Variants in MS4A10 observed in about 807,000 individuals in gnomAD.
MS4A10 encodes the protein membrane spanning 4-domains A10, also known as membrane-spanning 4-domains subfamily A member 10.
MS4A10 carries 27 observed loss-of-function variants against 27.7 expected under a neutral mutation model. That is an observed-to-expected ratio of 0.98 (90% CI 0.72 to 1.35). MS4A10 has a LOEUF of 1.35. Ranked by LOEUF, MS4A10 falls within the 40% of genes most tolerant of loss-of-function variation. The pLI is 0.00. For synonymous variants in MS4A10, 139 were observed against 131.2 expected (o/e 1.06, Z -0.41); for missense variants, 338 against 324.7 (o/e 1.04, Z -0.32).
chr11:60,798,606 C>A (rs1260251548), intron 7 of MS4A10, 92 bp downstream of exon 7: 3 of 969,554 alleles, frequency 3.1e-6, no homozygotes, highest in African/African-American at 1.6e-5. Context: ...CCCAGGGGAG[C>A]TGTAAGGGGC....
In MS4A10 at chr11:60,791,088, G is replaced by A. The variant is rs1854423149; in HGVS notation, c.298G>A (p.Ala100Thr). Residue 100 changes from alanine (A) to threonine (T), a missense_variant, in exon 3 of 8, where the codon GCC becomes ACC. Ala to Thr is a moderately conservative substitution (Grantham distance 58). Coordinates refer to ENST00000308287, the MANE Select transcript of MS4A10 (RefSeq NM_206893.4). ...LKSWYPFWGA[A>T]SFLISGILAI... ...GTCTTGGTATCCATTCTGGGGGGCT[G>A]CCTCTGTGAGTAGAAGGCAAAACAC... 1 of 1,613,990 alleles carries A rather than the reference G, an allele frequency of 6.2e-7. No individual in the cohort carries two copies. The highest frequency in any genetic ancestry group is 1.3e-5 in the African/African-American group (1 of 75,046).
At chr11:60,791,159 A>G (rs907365956) in intron 3 of MS4A10, 66 bp downstream of exon 3, 122 of 1,595,590 alleles carry the variant, frequency 7.6e-5, no homozygotes, top group Admixed American at 2.2e-4. Context: ...AGGCCCTGGC[A>G]TTTGGGACAG....
chr11:60,792,164 G>A (rs1044902529), intron 3 of MS4A10, 101 bp from the exon 4 acceptor site: 27 of 931,514 alleles, frequency 2.9e-5, no homozygotes, highest in South Asian at 4.0e-5. Flanking sequence ...CCCACTGGCC[G>A]CCAAGGGTTG....
Position 60,795,536 on chromosome 11 carries a change from CT to C in MS4A10, c.493-17del. On this transcript the variant is annotated intron_variant, in intron 5 of 7. Transcript: ENST00000308287. Reference sequence around the variant, plus strand: ...CCCAGCGAGGCCTCACCCTGCCTTCCTTCCCTCTACCCTCTCAGGTCCACAT... The same window carrying C: ...CCCAGCGAGGCCTCACCCTGCCTTCCTCCCTCTACCCTCTCAGGTCCACAT... The C allele has an allele frequency of 6.7e-7, 1 of 1,497,532 alleles. No homozygotes were observed. The highest frequency in any genetic ancestry group is 8.9e-7 in the Non-Finnish European group (1 of 1,119,872). The allele number at this position is 1,497,532 out of a possible 1,614,324, so 92.8% of individuals were successfully genotyped here.
intron 6 of MS4A10, among the ~76,000 whole-genome samples, 161 bp from the exon 7 acceptor site, chr11:60,798,235 C>T (rs1333410985): frequency 6.6e-6 from 1 of 152,200 alleles, no homozygotes; most frequent in Non-Finnish European, 1.5e-5. Flanking sequence ...TGGAGGGAGT[C>T]ACACACTGGT....
In MS4A10 at chr11:60,791,988, C is replaced by T. The variant is rs75264724; in HGVS notation, c.304-277C>T. Reference sequence around the variant, plus strand: ...TGTAAAATGAGGGAAGCAGGAGGGTCTAGGAGGGAGTTCTAAGTGCAGGGC... The same window carrying T: ...TGTAAAATGAGGGAAGCAGGAGGGTTTAGGAGGGAGTTCTAAGTGCAGGGC... On this transcript the variant is annotated intron_variant, in intron 3 of 7. Transcript: ENST00000308287. Among the ~76,000 whole-genome samples the T allele has an allele frequency of 5.6e-4, 85 of 152,274 alleles. 1 individual carries two copies. The East Asian group carries it at 0.013, about 24-fold the overall frequency.
chr11:60,788,746 T>C (rs1003347240), intron 1 of MS4A10, among the ~76,000 whole-genome samples: 1 of 152,292 alleles, frequency 6.6e-6, no homozygotes, highest in African/African-American at 2.4e-5. Flanking sequence ...TCAGCGGTCG[T>C]CACTGCAGGA....
At chr11:60,789,436 T>C (rs1854390522) in intron 1 of MS4A10, among the ~76,000 whole-genome samples, 2 of 152,236 alleles carry the variant, frequency 1.3e-5, no homozygotes, top group South Asian at 2.1e-4. Context: ...GTATACACTA[T>C]ACCAGGCCCT....
chr11:60,793,897 G>A (rs986138631), intron 4 of MS4A10, 75 bp from the exon 5 acceptor site: 7 of 1,545,044 alleles, frequency 4.5e-6, no homozygotes, highest in African/African-American at 1.4e-5. Flanking sequence ...GGAAGCTACT[G>A]GCAAGCATGA....
At chr11:60,790,743 C>T (rs1183649612) in intron 2 of MS4A10, among the ~76,000 whole-genome samples, 4 of 152,206 alleles carry the variant, frequency 2.6e-5, no homozygotes, top group Non-Finnish European at 4.4e-5. Context: ...GGGAGAATGG[C>T]AGAAGGCTGC....
intron 1 of MS4A10, among the ~76,000 whole-genome samples, chr11:60,786,204 C>A (rs1376455831): frequency 6.6e-6 from 1 of 151,918 alleles, no homozygotes; most frequent in Non-Finnish European, 1.5e-5. Flanking sequence ...CACACACACA[C>A]ACACACACCC....
intron 3 of MS4A10, 88 bp downstream of exon 3, chr11:60,791,181 G>C: frequency 6.4e-7 from 1 of 1,554,326 alleles, no homozygotes; most frequent in Non-Finnish European, 8.7e-7. Flanking sequence ...ATGCAGGGTG[G>C]GATAGAGAGA....
chr11:60,785,422 G>T lies in MS4A10; in HGVS notation c.-23+1G>T, dbSNP rs1590993788. 1 of 152,382 alleles carries T rather than the reference G, an allele frequency of 6.6e-6. No individual in the cohort carries two copies. Among genetic ancestry groups the T allele is most frequent in the Admixed American group, 6.5e-5 (1 of 15,288 alleles). 9.4% of individuals were successfully genotyped at this position (152,382 alleles called of 1,614,324 possible). A position where few individuals can be genotyped will look rare whatever the true frequency, so the allele number is the denominator to read the frequency against. Reference sequence around the variant, plus strand: ...CAGAGCTGCAGTCCCAGGTCCTGGGGTGAGTGGTCCCCCCATGGCAGGAAC... The same window carrying T: ...CAGAGCTGCAGTCCCAGGTCCTGGGTTGAGTGGTCCCCCCATGGCAGGAAC... On this transcript the variant is annotated splice_donor_variant, in intron 1 of 7. Coordinates refer to ENST00000308287, the MANE Select transcript of MS4A10 (RefSeq NM_206893.4). LOFTEE classifies it low-confidence loss of function (5UTR_SPLICE).
chr11:60,787,622 A>G (rs1854361949), intron 1 of MS4A10, among the ~76,000 whole-genome samples: 1 of 152,220 alleles, frequency 6.6e-6, no homozygotes, highest in Non-Finnish European at 1.5e-5. Context: ...GCCAAAAACC[A>G]GAGCCCAGGA....
chr11:60,797,368 C>T (rs654839), intron 6 of MS4A10, among the ~76,000 whole-genome samples: 89,254 of 152,066 alleles, frequency 0.59, 26,658 homozygotes, highest in East Asian at 0.88. Context: ...ACCTGTATTA[C>T]CCTACAGCTC....
intron 3 of MS4A10, 112 bp from the exon 4 acceptor site, chr11:60,792,153 C>T: frequency 2.4e-6 from 2 of 819,570 alleles, no homozygotes; most frequent in Non-Finnish European, 4.2e-6. Flanking sequence ...GTATTCCCTG[C>T]CCCACTGGCC....
At position 60,799,877 on chromosome 11, in the gene MS4A10, G is replaced by A. The variant is rs151159886; in HGVS notation, c.772G>A (p.Gly258Arg). The change falls in exon 8 of 8, where the codon GGA (glycine) becomes AGA (arginine). Residue 258 changes from glycine (G) to arginine (R), a missense_variant. Gly to Arg is a moderately radical substitution (Grantham distance 125). Coordinates refer to ENST00000308287, the MANE Select transcript of MS4A10 (RefSeq NM_206893.4). ...VAPDTWIVTD[G>R]AAIWTQTAN ...CCCGGACACATGGATAGTCACTGAC[G>A]GAGCTGCGATCTGGACCCAGACTGC... 13 of 1,612,942 alleles carry A rather than the reference G, an allele frequency of 8.1e-6. No individual in the cohort carries two copies. Among genetic ancestry groups the A allele is most frequent in the African/African-American group, 5.3e-5 (4 of 74,894 alleles).
chr11:60,789,028 C>G (rs1049958331), intron 1 of MS4A10, among the ~76,000 whole-genome samples: 3 of 152,236 alleles, frequency 2.0e-5, no homozygotes, highest in African/African-American at 7.2e-5. Context: ...GGCTCTTTGG[C>G]TCTTGATAAT....
chr11:60,794,195 C>T lies in MS4A10; in HGVS notation c.492+92C>T. 4.0e-6 allele frequency: 6 copies of T among 1,502,576 alleles called. 1 individual carries two copies. The highest frequency in any genetic ancestry group is 1.2e-5 in the South Asian group (1 of 82,934). The allele number at this position is 1,502,576 out of a possible 1,614,324, so 93.1% of individuals were successfully genotyped here. On this transcript the variant is annotated intron_variant, in intron 5 of 7. Transcript: ENST00000308287. ...GAGGTTTCCAGCTCACAGAAAGCCC[C>T]TCCTGGAGCCCAGGTGTGGGCTGCT...
Sources: allele counts gnomAD v4.1 joint callset (sites outside exome capture counted in the v4.1 genomes callset), GRCh38; gene constraint gnomAD v4.1.1; transcripts MANE v1.5; gene names NCBI Gene and HGNC (gene_info 2026-07-23, HGNC 2026-07-21).